The following VTA1 variants were observed in gnomAD, a reference collection of about 807,000 sequenced individuals.
The protein encoded by VTA1 is vacuolar protein sorting-associated protein VTA1 homolog.
VTA1 carries 24 observed loss-of-function variants against 36.9 expected under a neutral mutation model. That is an observed-to-expected ratio of 0.65 (90% confidence interval 0.47 to 0.91). The LOEUF (loss-of-function observed/expected upper bound fraction) is 0.91, where lower values mean the gene tolerates loss of function less well. Among genes scored for constraint, VTA1 ranks in the 40% least tolerant of loss-of-function variants. The pLI is 0.00. For synonymous variants in VTA1, 142 were observed against 130.2 expected, an observed-to-expected ratio of 1.09 and a Z score of -0.62; for missense variants, 393 against 377.2, an observed-to-expected ratio of 1.04 and a Z score of -0.35.
At chr6:142,166,431 A>G (rs541086140) in intron 2 of VTA1, 109 bp downstream of exon 2, 3 of 755,036 alleles carry the variant, frequency 4.0e-6, no homozygotes, top group South Asian at 2.1e-5. Context: ...ACAATCAAAC[A>G]AAGCCATTAT....
intron 4 of VTA1, among the ~76,000 whole-genome samples, chr6:142,177,339 A>T (rs1232468415): frequency 6.6e-6 from 1 of 152,248 alleles, no homozygotes; most frequent in Non-Finnish European, 1.5e-5. Flanking sequence ...CCATAACTGC[A>T]TGACTTTGGG....
At chr6:142,178,358 A>G (rs1439152676) in intron 4 of VTA1, among the ~76,000 whole-genome samples, 2 of 152,154 alleles carry the variant, frequency 1.3e-5, no homozygotes, top group East Asian at 3.8e-4. Flanking sequence ...ATATACAGCA[A>G]AGCTGTGCTT....
At chr6:142,165,796 A>T (rs1301498768) in intron 1 of VTA1, among the ~76,000 whole-genome samples, 1 of 152,152 alleles carries the variant, frequency 6.6e-6, no homozygotes, top group Non-Finnish European at 1.5e-5. Flanking sequence ...TTACTATAGC[A>T]ATTCTTTCTA....
chr6:142,161,337 G>A (rs1176231185), intron 1 of VTA1, among the ~76,000 whole-genome samples: 1 of 152,004 alleles, frequency 6.6e-6, no homozygotes, highest in Non-Finnish European at 1.5e-5. Context: ...ACCTATCAAA[G>A]CCTCACTCCT....
chr6:142,156,932 C>A (rs1447945440), intron 1 of VTA1, among the ~76,000 whole-genome samples: 1 of 152,196 alleles, frequency 6.6e-6, no homozygotes, highest in Non-Finnish European at 1.5e-5. Flanking sequence ...CTTTGGGAGG[C>A]CCAGGTGGGC....
At chr6:142,165,708 G>A (rs985210454) in intron 1 of VTA1, among the ~76,000 whole-genome samples, 1 of 152,132 alleles carries the variant, frequency 6.6e-6, no homozygotes, top group African/African-American at 2.4e-5. Context: ...AGCTATTTAG[G>A]TTTAGCCTTA....
rs1775236929 is a variant in VTA1, at chr6:142,181,455, T to TATATATATA, written c.412-7971_412-7970insATATATATA. ...GCCTGACACACACACTTTTTATATTTTATATATATATATATATATGTATAT... is the reference window on the plus strand; with the variant it reads ...GCCTGACACACACACTTTTTATATTTATATATATATATATATATATATATATATGTATAT... On this transcript the variant is annotated intron_variant, in intron 4 of 7. Transcript: ENST00000367630. 5.6e-5 allele frequency among the ~76,000 whole-genome samples: 8 copies of TATATATATA among 143,660 alleles called. No homozygotes were observed. In the South Asian group the frequency reaches 1.8e-3, roughly 32 times the overall value. 94.2% of individuals were successfully genotyped at this position (143,660 alleles called of 152,430 possible).
chr6:142,216,540 G>A (rs1776007429), intron 7 of VTA1, among the ~76,000 whole-genome samples: 1 of 151,812 alleles, frequency 6.6e-6, no homozygotes, highest in Non-Finnish European at 1.5e-5. Context: ...TTATATATGA[G>A]TTACATAATT....
At chr6:142,149,088 A>G (rs1040244569) in intron 1 of VTA1, among the ~76,000 whole-genome samples, 7 of 152,252 alleles carry the variant, frequency 4.6e-5, no homozygotes, top group Admixed American at 6.5e-5. Context: ...ATTTAAAAAT[A>G]TAACATAAAC....
chr6:142,166,916 A>G (rs1044672122), intron 2 of VTA1, among the ~76,000 whole-genome samples: 1 of 152,094 alleles, frequency 6.6e-6, no homozygotes, highest in Non-Finnish European at 1.5e-5. Flanking sequence ...ATGAGCCACC[A>G]TGCCCAGCCG....
intron 7 of VTA1, among the ~76,000 whole-genome samples, chr6:142,215,100 C>A (rs1775981587): frequency 6.6e-6 from 1 of 152,114 alleles, no homozygotes; most frequent in Non-Finnish European, 1.5e-5. Flanking sequence ...ACTTTTACAT[C>A]TCTGAATAGT....
At chr6:142,181,350 G>A (rs970860729) in intron 4 of VTA1, among the ~76,000 whole-genome samples, 1 of 148,028 alleles carries the variant, frequency 6.8e-6, no homozygotes, top group Non-Finnish European at 1.5e-5. Flanking sequence ...AGCCAGGATG[G>A]TCTCAATCTC....
chr6:142,199,478 G>A (rs900067235), intron 6 of VTA1, among the ~76,000 whole-genome samples: 2 of 152,010 alleles, frequency 1.3e-5, no homozygotes, highest in Non-Finnish European at 2.9e-5. Context: ...AATAATTAAT[G>A]GAATGATAGT....
At chr6:142,172,245 G>A (rs960012437) in intron 4 of VTA1, among the ~76,000 whole-genome samples, 4 of 152,276 alleles carry the variant, frequency 2.6e-5, no homozygotes, top group Middle Eastern at 3.4e-3. Flanking sequence ...TCCTGACCTC[G>A]TGATCCACCT....
At chr6:142,209,158 C>CA (rs1291025091) in intron 7 of VTA1, among the ~76,000 whole-genome samples, 1 of 151,754 alleles carries the variant, frequency 6.6e-6, no homozygotes, top group Non-Finnish European at 1.5e-5. Context: ...AAGACTCCAC[C>CA]AAAAAACCGT....
At chr6:142,212,395 A>G (rs570675256) in intron 7 of VTA1, among the ~76,000 whole-genome samples, 2 of 152,326 alleles carry the variant, frequency 1.3e-5, no homozygotes, top group Admixed American at 1.3e-4. Flanking sequence ...TGCATATTAC[A>G]AAGTGAAAGG....
chr6:142,204,778 G>A (rs931986164), intron 7 of VTA1, among the ~76,000 whole-genome samples: 2 of 152,060 alleles, frequency 1.3e-5, no homozygotes, highest in Admixed American at 6.6e-5. Flanking sequence ...AGTGTGGAGT[G>A]CAGTGGCGCA....
intron 4 of VTA1, among the ~76,000 whole-genome samples, chr6:142,181,094 A>AAAAATATATATATATATAT (rs1471429927): frequency 8.0e-4 from 29 of 36,426 alleles, no homozygotes; most frequent in South Asian, 2.8e-3. Context: ...AAAAAAAAAA[A>AAAAATATATATATATATAT]ATATATATAT....
At chr6:142,181,116 T>TATATATATATATATACAC (rs753996612) in intron 4 of VTA1, among the ~76,000 whole-genome samples, 1 of 87,078 alleles carries the variant, frequency 1.1e-5, no homozygotes, top group African/African-American at 4.2e-5. Flanking sequence ...TATATATATA[T>TATATATATATATATACAC]ACACACACAC....
Sources: allele counts gnomAD v4.1 joint callset (sites outside exome capture counted in the v4.1 genomes callset), GRCh38; gene constraint gnomAD v4.1.1; transcripts MANE v1.5; gene names NCBI Gene and HGNC (gene_info 2026-07-23, HGNC 2026-07-21).